Variants in SLC24A4 observed in about 807,000 individuals in gnomAD.
SLC24A4 encodes the protein solute carrier family 24 member 4.
SLC24A4 carries 53 observed loss-of-function variants against 79.0 expected under a neutral mutation model. The ratio of observed to expected loss-of-function variants is 0.67; its 90% confidence interval spans 0.54 to 0.84. The LOEUF (loss-of-function observed/expected upper bound fraction) is 0.84, where lower values mean the gene tolerates loss of function less well. SLC24A4 is among the 40% of genes least tolerant of loss of function. The pLI, the probability that SLC24A4 is intolerant of heterozygous loss-of-function variation, is 0.00. For missense variants in SLC24A4, 731 were observed against 822.0 expected (o/e 0.89, Z 1.35); for synonymous variants, 323 against 323.8 (o/e 1.00, Z 0.03).
At chr14:92,346,747 T>G (rs184519677) in intron 2 of SLC24A4, among the ~76,000 whole-genome samples, 5 of 152,360 alleles carry the variant, frequency 3.3e-5, no homozygotes, top group African/African-American at 1.2e-4. Context: ...TTAAAAATGC[T>G]GATACTGAGG....
At chr14:92,342,685 G>A (rs1004708473) in intron 2 of SLC24A4, among the ~76,000 whole-genome samples, 4 of 152,130 alleles carry the variant, frequency 2.6e-5, no homozygotes, top group African/African-American at 4.8e-5. Context: ...TGCCCTGCCC[G>A]GAGGTAATGA....
At chr14:92,459,669 C>T (rs746859930) in intron 12 of SLC24A4, among the ~76,000 whole-genome samples, 10 of 152,176 alleles carry the variant, frequency 6.6e-5, no homozygotes, top group African/African-American at 9.7e-5. Context: ...CTGGAAACCA[C>T]GAATGGCTTC....
chr14:92,493,574 A>T lies in SLC24A4; in HGVS notation c.1815A>T (p.Ile605=), dbSNP rs761168581. Reference sequence around the variant, plus strand: ...TCTTCTTGTGCTTCTCCATAATGATAGAGTTTAACGTCTTTACCTTCGTCA... The same window carrying T: ...TCTTCTTGTGCTTCTCCATAATGATTGAGTTTAACGTCTTTACCTTCGTCA... ...YAIFLCFSIM[I]EFNVFTFVNL... The change falls in exon 17 of 17, where the codon ATA becomes ATT. Residue 605 remains isoleucine, a synonymous_variant. Transcript: ENST00000532405. 1 of 1,614,122 alleles carries T rather than the reference A, an allele frequency of 6.2e-7. No individual in the cohort carries two copies. Among genetic ancestry groups the T allele is most frequent in the African/African-American group, 1.3e-5 (1 of 75,018 alleles).
chr14:92,406,568 A>G (rs749101185), intron 2 of SLC24A4, among the ~76,000 whole-genome samples: 4 of 151,818 alleles, frequency 2.6e-5, no homozygotes, highest in Admixed American at 6.6e-5. Context: ...CAAAATCTCA[A>G]CTCTTGTCTT....
chr14:92,361,671 T>C (rs1401883522), intron 2 of SLC24A4, among the ~76,000 whole-genome samples: 1 of 152,072 alleles, frequency 6.6e-6, no homozygotes, highest in Admixed American at 6.6e-5. Context: ...TACTGTTTGG[T>C]GGGACAAACA....
chr14:92,359,531 G>A lies in SLC24A4; in HGVS notation c.241+33553G>A, dbSNP rs574086957. 2.1e-3 allele frequency among the ~76,000 whole-genome samples: 318 copies of A among 152,166 alleles called. 3 individuals are homozygous for A. The highest frequency in any genetic ancestry group is 7.2e-3 in the African/African-American group (299 of 41,514). The stretch of plus-strand genomic sequence containing the variant: ...GGAGAATCGCGTGAACCTGGGAGGC[G>A]GAGGTTACAGTGAGCCAAGATCGCA... On this transcript the variant is annotated intron_variant, in intron 2 of 16. Transcript: ENST00000532405.
chr14:92,421,661 T>G (rs1286005108), intron 2 of SLC24A4, among the ~76,000 whole-genome samples: 1 of 151,936 alleles, frequency 6.6e-6, no homozygotes, highest in Admixed American at 6.6e-5. Flanking sequence ...GCACCCACCA[T>G]CATGCCCGGC....
At chr14:92,473,505 T>C (rs1418464396) in intron 12 of SLC24A4, among the ~76,000 whole-genome samples, 1 of 152,222 alleles carries the variant, frequency 6.6e-6, no homozygotes, top group African/African-American at 2.4e-5. Flanking sequence ...CCCTGCTGTT[T>C]CTGTCTTCGT....
chr14:92,476,603 C>T (rs1048346033), intron 12 of SLC24A4, among the ~76,000 whole-genome samples: 4 of 152,202 alleles, frequency 2.6e-5, no homozygotes, highest in East Asian at 1.9e-4. Flanking sequence ...TAAACTAATT[C>T]GTGGTTTTTG....
rs527558480 is a variant in SLC24A4 at position 92,437,929 on chromosome 14, A to G, written c.319-1406A>G. Among the ~76,000 whole-genome samples, 11 of 151,904 alleles carry G rather than the reference A, an allele frequency of 7.2e-5. No homozygotes were observed. In the South Asian group the frequency reaches 1.0e-3, roughly 14 times the overall value. On this transcript the variant is annotated intron_variant, in intron 3 of 16. Coordinates refer to ENST00000532405, the MANE Select transcript of SLC24A4 (RefSeq NM_153646.4). Reference sequence around the variant, plus strand: ...TAAGAAGAGATGCTTGAGAGAGTAGAAAAAAAAGTGTTTTTCCTGCTCTCA... The same window carrying G: ...TAAGAAGAGATGCTTGAGAGAGTAGGAAAAAAAGTGTTTTTCCTGCTCTCA...
At chr14:92,492,910 G>A (rs1477925405) in intron 16 of SLC24A4, 1 of 447,880 alleles carries the variant, frequency 2.2e-6, no homozygotes, top group East Asian at 7.2e-5. Flanking sequence ...AAAGATAGAA[G>A]GATCAGGGAG....
intron 2 of SLC24A4, among the ~76,000 whole-genome samples, chr14:92,332,775 A>G (rs964056354): frequency 6.6e-6 from 1 of 152,220 alleles, no homozygotes; most frequent in Non-Finnish European, 1.5e-5. Flanking sequence ...TCACTTTTTA[A>G]TATGCTCAAC....
chr14:92,343,653 T>TTTCTTTCCTTCCTTCCTTCCTTCC (rs1886337588), intron 2 of SLC24A4, among the ~76,000 whole-genome samples: 2 of 34,214 alleles, frequency 5.8e-5, no homozygotes, highest in African/African-American at 1.5e-4. Flanking sequence ...TCTTTCCTTC[T>TTTCTTTCCTTCCTTCCTTCCTTCC]TTCCTTCCTT....
At chr14:92,485,701 T>C (rs1895315166) in intron 13 of SLC24A4, among the ~76,000 whole-genome samples, 1 of 152,042 alleles carries the variant, frequency 6.6e-6, no homozygotes, top group Non-Finnish European at 1.5e-5. Flanking sequence ...TTTGAGTGGG[T>C]GAGAGAATCA....
chr14:92,404,499 A>AC, intron 2 of SLC24A4, among the ~76,000 whole-genome samples: 1 of 152,056 alleles, frequency 6.6e-6, no homozygotes, highest in East Asian at 1.9e-4. Context: ...CTGGCAGGAG[A>AC]TGTAGACTGC....
chr14:92,480,318 G>GCA (rs1894992891), intron 12 of SLC24A4, among the ~76,000 whole-genome samples: 1 of 85,470 alleles, frequency 1.2e-5, no homozygotes, highest in African/African-American at 4.4e-5. Context: ...ATGGAGTCTT[G>GCA]CTCTGTCGCC....
chr14:92,411,313 A>G (rs940812574), intron 2 of SLC24A4, among the ~76,000 whole-genome samples: 2 of 152,130 alleles, frequency 1.3e-5, no homozygotes, highest in African/African-American at 2.4e-5. Flanking sequence ...CTGTCTATCT[A>G]CTTCCCCAGA....
intron 2 of SLC24A4, among the ~76,000 whole-genome samples, chr14:92,329,549 T>G (rs569480387): frequency 6.6e-6 from 1 of 152,350 alleles, no homozygotes; most frequent in South Asian, 2.1e-4. Flanking sequence ...TTGTTTTGTT[T>G]TGTCACTCTG....
chr14:92,389,176 C>G (rs4904887), intron 2 of SLC24A4, among the ~76,000 whole-genome samples: 46,022 of 152,034 alleles, frequency 0.3, 8,469 homozygotes, highest in East Asian at 0.68. Flanking sequence ...GTGTCTATTC[C>G]TATGTATGTT....
Sources: gnomAD v4.1 joint callset for allele counts (sites outside exome capture counted in the v4.1 genomes callset) on GRCh38, gnomAD v4.1.1 for gene constraint, MANE v1.5 for transcripts, NCBI Gene and HGNC (gene_info 2026-07-23, HGNC 2026-07-21) for gene names.